The following NGEF variants were observed in gnomAD, a reference collection of about 807,000 sequenced individuals.
The protein encoded by NGEF is neuronal guanine nucleotide exchange factor.
In NGEF, 31 loss-of-function variants were observed where a neutral mutation model predicts 80.9. That is an observed-to-expected ratio of 0.38 (90% CI 0.29 to 0.52). The LOEUF (loss-of-function observed/expected upper bound fraction) is 0.52. Ranked by LOEUF, NGEF falls within the 20% of genes least tolerant of loss-of-function variation. The pLI is 0.84. For missense variants in NGEF, 709 were observed against 926.2 expected (o/e 0.77, Z 3.04); for synonymous variants, 371 against 370.2 (o/e 1.00, Z -0.03).
chr2:232,994,676 C>G (rs1694741952), intron 1 of NGEF, among the ~76,000 whole-genome samples: 1 of 152,112 alleles, frequency 6.6e-6, no homozygotes, highest in South Asian at 2.1e-4. Context: ...ATGCATTGGG[C>G]ATGTGGGTTC....
At chr2:233,008,686 T>A (rs1309845749) in intron 1 of NGEF, among the ~76,000 whole-genome samples, 1 of 152,250 alleles carries the variant, frequency 6.6e-6, no homozygotes, top group African/African-American at 2.4e-5. Flanking sequence ...GAAGGATTTG[T>A]CTCTGGTAGG....
chr2:232,969,025 A>G (rs978171138), intron 3 of NGEF, among the ~76,000 whole-genome samples: 1 of 152,198 alleles, frequency 6.6e-6, no homozygotes, highest in Admixed American at 6.5e-5. Flanking sequence ...CTTCTTTCAC[A>G]CAACGGCCAA....
intron 3 of NGEF, among the ~76,000 whole-genome samples, chr2:232,964,478 A>T (rs1206518967): frequency 2.6e-5 from 4 of 152,176 alleles, no homozygotes; most frequent in Non-Finnish European, 5.9e-5. Context: ...AGATGCCTTG[A>T]GGTCAGGAGT....
chr2:232,917,472 C>CTTTTT (rs11407721), intron 5 of NGEF, among the ~76,000 whole-genome samples: 1 of 144,694 alleles, frequency 6.9e-6, no homozygotes. Flanking sequence ...TAAAACTTTT[C>CTTTTT]TTTTTTTTTT....
In NGEF at chr2:232,894,632, T is replaced by C. The variant is rs190853640; in HGVS notation, c.989+124A>G. On this transcript the variant is annotated intron_variant, in intron 6 of 14. Coordinates refer to ENST00000264051, the MANE Select transcript of NGEF (RefSeq NM_019850.3). ...TTCTTCATTTATTTATATTTTATTA[T>C]GGAACATTCCAAACATCTGGAAGTA... The C allele has an allele frequency of 1.2e-3, 1,218 of 997,004 alleles. 11 individuals carry two copies. The Admixed American group carries it at 0.024, about 20-fold the overall frequency. The allele number at this position is 997,004 out of a possible 1,614,324, so 61.8% of individuals were successfully genotyped here.
chr2:232,884,426 G>A (rs1337862877), intron 10 of NGEF, among the ~76,000 whole-genome samples: 1 of 152,216 alleles, frequency 6.6e-6, no homozygotes, highest in Non-Finnish European at 1.5e-5. Context: ...ACCCACATGT[G>A]AGCTTAAAGT....
In NGEF at chr2:233,010,538, C is replaced by T. The variant is rs537152253; in HGVS notation, c.-75+2530G>A. ...ATGCAGGCCTTGCTGATCATCCATC[C>T]CTTTGATGGTGCCCATCCTCCTCAT... On this transcript the variant is annotated intron_variant, in intron 1 of 14. Coordinates refer to ENST00000264051, the MANE Select transcript of NGEF (RefSeq NM_019850.3). Among the ~76,000 whole-genome samples the T allele has an allele frequency of 2.0e-5, 3 of 152,256 alleles. No homozygotes were observed. The South Asian group carries it at 6.2e-4, about 32-fold the overall frequency.
At chr2:233,012,928 G>A (rs1252399733) in intron 1 of NGEF, 140 bp downstream of exon 1, 3 of 470,112 alleles carry the variant, frequency 6.4e-6, no homozygotes, top group Non-Finnish European at 1.3e-5. Flanking sequence ...ATCCAGGGCT[G>A]CTGTTTCTCT....
At chr2:233,000,964 C>G (rs1010539164) in intron 1 of NGEF, among the ~76,000 whole-genome samples, 1 of 152,174 alleles carries the variant, frequency 6.6e-6, no homozygotes, top group African/African-American at 2.4e-5. Flanking sequence ...CGAAACGGCG[C>G]CGTGAACCAG....
intron 5 of NGEF, among the ~76,000 whole-genome samples, chr2:232,917,595 G>A (rs11684691): frequency 0.17 from 26,151 of 151,226 alleles, 2,360 homozygotes; most frequent in East Asian, 0.28. Context: ...TCAGCCTCCC[G>A]AGTAGCTGGG....
intron 1 of NGEF, among the ~76,000 whole-genome samples, chr2:232,999,032 G>T (rs1694916702): frequency 6.6e-6 from 1 of 152,184 alleles, no homozygotes; most frequent in African/African-American, 2.4e-5. Flanking sequence ...CCCCGGAACA[G>T]CAGGCAGAAG....
At chr2:232,907,903 G>A (rs1479691859) in intron 5 of NGEF, among the ~76,000 whole-genome samples, 1 of 152,168 alleles carries the variant, frequency 6.6e-6, no homozygotes, top group African/African-American at 2.4e-5. Context: ...GAGGTCAAGA[G>A]TTCGACACCA....
At chr2:232,880,679 G>A (rs1185842762) in intron 14 of NGEF, among the ~76,000 whole-genome samples, 1 of 152,372 alleles carries the variant, frequency 6.6e-6, no homozygotes, top group East Asian at 1.9e-4. Context: ...ACTGATGACA[G>A]CAGCAGGGGT....
intron 4 of NGEF, among the ~76,000 whole-genome samples, chr2:232,923,896 A>G (rs1346453695): frequency 1.3e-5 from 2 of 152,118 alleles, no homozygotes; most frequent in African/African-American, 2.4e-5. Flanking sequence ...TGACTAAGAC[A>G]TGAGGGCACT....
intron 3 of NGEF, among the ~76,000 whole-genome samples, chr2:232,937,667 G>A (rs929021144): frequency 4.6e-5 from 7 of 152,190 alleles, no homozygotes; most frequent in African/African-American, 7.2e-5. Flanking sequence ...GGGCTGGCTC[G>A]TGAGTTAATA....
In NGEF at chr2:232,882,114, A is replaced by AC; in HGVS notation, c.1837+71dup. 4 of 1,384,400 alleles carry AC rather than the reference A, an allele frequency of 2.9e-6. No homozygotes were observed. The South Asian group carries it at 4.8e-5, about 17-fold the overall frequency. 85.8% of individuals were successfully genotyped at this position (1,384,400 alleles called of 1,614,324 possible). ...GAGGGCTTCCCTCCAGGCAGGGCAC[A>AC]CCGTGCACCTGCGGCATCCGGCAGG... On this transcript the variant is annotated intron_variant, in intron 13 of 14. Coordinates refer to ENST00000264051, the MANE Select transcript of NGEF (RefSeq NM_019850.3).
chr2:232,937,051 C>T (rs1047941434), intron 3 of NGEF, among the ~76,000 whole-genome samples: 4 of 152,180 alleles, frequency 2.6e-5, no homozygotes, highest in African/African-American at 4.8e-5. Context: ...CTCACTGCAA[C>T]GTCTGCATCC....
intron 3 of NGEF, among the ~76,000 whole-genome samples, chr2:232,939,641 T>TACCTC (rs1205150126): frequency 6.6e-6 from 1 of 152,214 alleles, no homozygotes; most frequent in Non-Finnish European, 1.5e-5. Flanking sequence ...CAGAAACAAC[T>TACCTC]ACCTCACCCT....
intron 3 of NGEF, among the ~76,000 whole-genome samples, chr2:232,958,847 T>C (rs946566954): frequency 6.6e-6 from 1 of 152,166 alleles, no homozygotes; most frequent in African/African-American, 2.4e-5. Flanking sequence ...AGAGTTCTCA[T>C]CTCACGGCCA....
Sources: gnomAD v4.1 joint callset for allele counts (sites outside exome capture counted in the v4.1 genomes callset) on GRCh38, gnomAD v4.1.1 for gene constraint, MANE v1.5 for transcripts, NCBI Gene and HGNC (gene_info 2026-07-23, HGNC 2026-07-21) for gene names.